The following MYH16 variants were observed in gnomAD, a reference collection of about 807,000 sequenced individuals.
MYH16 encodes the protein putative uncharacterized protein MYH16.
downstream of MYH16, among the ~76,000 whole-genome samples, chr7:99,307,096 C>T (rs1386286847): frequency 6.6e-6 from 1 of 152,160 alleles, no homozygotes; most frequent in Middle Eastern, 3.2e-3. Flanking sequence ...ACCTGATGTT[C>T]CCCCATCTGC....
chr7:99,279,912 C>T (rs535684021), intron 22 of MYH16, among the ~76,000 whole-genome samples, 175 bp downstream of exon 4: 1 of 152,152 alleles, frequency 6.6e-6, no homozygotes, highest in Admixed American at 6.5e-5. Context: ...CGCTGTGTCA[C>T]GTAGGCTGGA....
At chr7:99,292,679 G>A (rs1007997060) in intron 32 of MYH16, among the ~76,000 whole-genome samples, 171 bp downstream of exon 13, 1 of 152,228 alleles carries the variant, frequency 6.6e-6, no homozygotes, top group Non-Finnish European at 1.5e-5. Flanking sequence ...TGCTCTGTGG[G>A]CCAGCTATGG....
At chr7:99,266,077 G>A (rs1275293225) in intron 17 of MYH16, among the ~76,000 whole-genome samples, 2 of 152,102 alleles carry the variant, frequency 1.3e-5, no homozygotes, top group Non-Finnish European at 2.9e-5. Flanking sequence ...CCAGACATGC[G>A]CTCAGACAGC....
intron 2 of MYH16, among the ~76,000 whole-genome samples, chr7:99,245,219 T>G (rs1019396705): frequency 6.6e-6 from 1 of 152,210 alleles, no homozygotes; most frequent in Non-Finnish European, 1.5e-5. Flanking sequence ...ATCGTCTCTT[T>G]GCCTTTTTTC....
At chr7:99,274,676 T>C (rs574007357) in intron 20 of MYH16, among the ~76,000 whole-genome samples, 1 of 147,298 alleles carries the variant, frequency 6.8e-6, no homozygotes. Context: ...TCACTTTTTT[T>C]TTTTTTTTTT....
chr7:99,279,399 A>C, intron 21 of MYH16, 111 bp from the exon 4 acceptor site: 1 of 353,924 alleles, frequency 2.8e-6, no homozygotes, highest in Non-Finnish European at 5.5e-6. Flanking sequence ...GAGATAGCCC[A>C]GCCCCTTGTC....
At chr7:99,301,334 C>T (rs1014498380) in intron 37 of MYH16, among the ~76,000 whole-genome samples, 9 of 152,050 alleles carry the variant, frequency 5.9e-5, no homozygotes, top group African/African-American at 2.2e-4. Context: ...GCTGGGAACA[C>T]CAGGTGCTCT....
chr7:99,253,394 AC>A (rs1791834382), intron 7 of MYH16: 1 of 152,102 alleles, frequency 6.6e-6, no homozygotes, highest in Non-Finnish European at 1.5e-5. Flanking sequence ...TAATCACACC[AC>A]TGCACTCCAG....
intron 11 of MYH16, among the ~76,000 whole-genome samples, chr7:99,259,198 A>G (rs1470579472): frequency 6.6e-6 from 1 of 152,166 alleles, no homozygotes. Flanking sequence ...CATCTTACAG[A>G]TGAGGAGAAA....
At chr7:99,244,001 C>CCAAA (rs1356405210) in intron 2 of MYH16, among the ~76,000 whole-genome samples, 1 of 152,142 alleles carries the variant, frequency 6.6e-6, no homozygotes, top group African/African-American at 2.4e-5. Context: ...ATCCATCCAT[C>CCAAA]CAAACATCTA....
intron 32 of MYH16, 80 bp from the exon 14 acceptor site, chr7:99,293,938 C>T (rs1439706469): frequency 8.0e-6 from 3 of 374,388 alleles, no homozygotes; most frequent in Non-Finnish European, 1.6e-5. Context: ...ATGCCCACCA[C>T]ACTCTGACCC....
intron 18 of MYH16, among the ~76,000 whole-genome samples, chr7:99,268,450 A>T (rs987390888): frequency 1.3e-5 from 2 of 152,238 alleles, no homozygotes; most frequent in African/African-American, 4.8e-5. Context: ...TGGCCGGGAA[A>T]GCCGGAGCTG....
chr7:99,244,193 C>T (rs1563101659), intron 2 of MYH16, among the ~76,000 whole-genome samples: 1 of 152,178 alleles, frequency 6.6e-6, no homozygotes, highest in Non-Finnish European at 1.5e-5. Context: ...AATATCCATC[C>T]ATTCATTCAT....
chr7:99,240,191 G>A (rs1791650875), intron 1 of MYH16, among the ~76,000 whole-genome samples: 2 of 152,046 alleles, frequency 1.3e-5, no homozygotes, highest in Non-Finnish European at 2.9e-5. Flanking sequence ...ATTTTGCAGA[G>A]AAGGAAAACT....
intron 13 of MYH16, among the ~76,000 whole-genome samples, chr7:99,262,635 T>C (rs989761457): frequency 3.3e-5 from 5 of 152,176 alleles, no homozygotes; most frequent in African/African-American, 1.2e-4. Context: ...TCTACTTACC[T>C]CACTTCTCTG....
downstream of MYH16, among the ~76,000 whole-genome samples, chr7:99,307,947 C>T (rs2150841784): frequency 6.6e-6 from 1 of 152,140 alleles, no homozygotes; most frequent in African/African-American, 2.4e-5. Flanking sequence ...GTCTCTTGAC[C>T]TTGTGATCCA....
intron 29 of MYH16, among the ~76,000 whole-genome samples, 173 bp downstream of exon 10, chr7:99,288,310 G>A (rs932086628): frequency 1.3e-5 from 2 of 152,040 alleles, no homozygotes; most frequent in Non-Finnish European, 1.5e-5. Flanking sequence ...ATGGTAGCAT[G>A]TGCCTGTAGT....
rs1252252371 is a variant in MYH16 at position 99,271,364 on chromosome 7, C to T, written n.2403+271C>T. On this transcript the variant is annotated intron_variant and non_coding_transcript_variant, in intron 19 of 41. Coordinates refer to ENST00000439784, the Ensembl canonical transcript of MYH16. ...TCTCTACAAAAAATACAAAAATTAG[C>T]TGGGCGTGGTGGTGGGCACCTATAA... Among the ~76,000 whole-genome samples the T allele has an allele frequency of 3.9e-5, 6 of 152,298 alleles. No homozygotes were observed. In the East Asian group the frequency reaches 7.7e-4, roughly 20 times the overall value.
downstream of MYH16, among the ~76,000 whole-genome samples, chr7:99,307,946 C>T (rs1792704691): frequency 1.3e-5 from 2 of 152,000 alleles, no homozygotes; most frequent in Non-Finnish European, 2.9e-5. Flanking sequence ...AGTCTCTTGA[C>T]CTTGTGATCC....
Sources: gnomAD v4.1 joint callset for allele counts (sites outside exome capture counted in the v4.1 genomes callset) on GRCh38, gnomAD v4.1.1 for gene constraint, MANE v1.5 for transcripts, NCBI Gene and HGNC (gene_info 2026-07-23, HGNC 2026-07-21) for gene names.